The following CNTNAP2 variants were observed in gnomAD, a reference collection of about 807,000 sequenced individuals.
The protein encoded by CNTNAP2 is contactin associated protein 2, also known as contactin-associated protein-like 2.
In CNTNAP2, 98 loss-of-function variants were observed where a neutral mutation model predicts 155.2. The observed-to-expected ratio is 0.63, with a 90% CI of 0.54 to 0.75. The LOEUF is 0.75. Ranked by LOEUF, CNTNAP2 falls within the 30% of genes least tolerant of loss-of-function variation. The pLI is 0.00. For synonymous variants in CNTNAP2, 651 were observed against 631.2 expected (o/e 1.03, Z -0.47); for missense variants, 1,727 against 1,688.1 (o/e 1.02, Z -0.40).
At chr7:146,216,826 T>C (rs184716664) in intron 1 of CNTNAP2, among the ~76,000 whole-genome samples, 23 of 152,254 alleles carry the variant, frequency 1.5e-4, no homozygotes, top group Admixed American at 1.0e-3. Flanking sequence ...TGTACTAGAG[T>C]TGTTTTATAG....
chr7:148,218,975 G>C (rs568820745), intron 19 of CNTNAP2, among the ~76,000 whole-genome samples: 6 of 117,480 alleles, frequency 5.1e-5, no homozygotes, highest in Non-Finnish European at 9.7e-5. Context: ...ATGGAGTCTC[G>C]CTCCATCACC....
intron 18 of CNTNAP2, among the ~76,000 whole-genome samples, chr7:148,184,450 T>C (rs1795087036): frequency 1.3e-5 from 2 of 152,216 alleles, no homozygotes; most frequent in African/African-American, 4.8e-5. Context: ...TACAAATGAC[T>C]TATGATTTAC....
chr7:146,667,921 A>C (rs1800226855), intron 1 of CNTNAP2, among the ~76,000 whole-genome samples: 1 of 152,108 alleles, frequency 6.6e-6, no homozygotes, highest in Non-Finnish European at 1.5e-5. Flanking sequence ...ATCTGCAGAC[A>C]GGAACAATTT....
chr7:146,528,009 T>C (rs1456572558), intron 1 of CNTNAP2, among the ~76,000 whole-genome samples: 1 of 152,120 alleles, frequency 6.6e-6, no homozygotes, highest in Non-Finnish European at 1.5e-5. Flanking sequence ...TGTGAATAAA[T>C]AGAAAGAAAA....
At chr7:147,898,686 AT>A (rs1799811614) in intron 13 of CNTNAP2, among the ~76,000 whole-genome samples, 1 of 151,972 alleles carries the variant, frequency 6.6e-6, no homozygotes, top group South Asian at 2.1e-4. Flanking sequence ...AGCCTGGCTA[AT>A]TTTTGTAGTT....
At chr7:146,359,410 T>G (rs929425589) in intron 1 of CNTNAP2, among the ~76,000 whole-genome samples, 2 of 152,222 alleles carry the variant, frequency 1.3e-5, no homozygotes, top group Non-Finnish European at 2.9e-5. Flanking sequence ...AAAGTCTATC[T>G]AACTCCACTA....
At chr7:146,748,291 G>GCCAGCCA (rs1466904635) in intron 1 of CNTNAP2, among the ~76,000 whole-genome samples, 1 of 151,678 alleles carries the variant, frequency 6.6e-6, no homozygotes, top group East Asian at 1.9e-4. Context: ...GACTACAGGC[G>GCCAGCCA]CCAGCCACCA....
chr7:147,300,075 AT>A (rs1794913924), intron 8 of CNTNAP2, 65 bp from the exon 9 acceptor site: 5 of 1,535,430 alleles, frequency 3.3e-6, no homozygotes, highest in Non-Finnish European at 2.7e-6. Context: ...TGATTTGTTG[AT>A]TTTGGAAATT....
chr7:148,146,391 G>T (rs1170050394), intron 16 of CNTNAP2, among the ~76,000 whole-genome samples: 2 of 152,156 alleles, frequency 1.3e-5, no homozygotes, highest in Admixed American at 6.5e-5. Flanking sequence ...CATTTAAAAA[G>T]CTTGTTTATA....
intron 20 of CNTNAP2, among the ~76,000 whole-genome samples, chr7:148,252,794 C>T (rs1445656043): frequency 6.6e-6 from 1 of 152,074 alleles, no homozygotes; most frequent in African/African-American, 2.4e-5. Context: ...CCACCTGCTT[C>T]CTCACTCATC....
chr7:146,142,286 A>G (rs991800257), intron 1 of CNTNAP2, among the ~76,000 whole-genome samples: 2 of 152,180 alleles, frequency 1.3e-5, no homozygotes, highest in African/African-American at 4.8e-5. Context: ...CACTCCCCTC[A>G]TTCTTTTCCT....
chr7:147,569,854 G>GA (rs1323872206), intron 12 of CNTNAP2, among the ~76,000 whole-genome samples: 1 of 152,238 alleles, frequency 6.6e-6, no homozygotes, highest in Non-Finnish European at 1.5e-5. Context: ...TTGCCAGGCT[G>GA]AGACCAAGGT....
At chr7:146,985,252 T>C (rs1327968307) in intron 3 of CNTNAP2, among the ~76,000 whole-genome samples, 4 of 151,570 alleles carry the variant, frequency 2.6e-5, no homozygotes, top group African/African-American at 9.7e-5. Flanking sequence ...AATGGTGAGA[T>C]GTCTGACACT....
chr7:148,126,420 C>A (rs542119678), intron 16 of CNTNAP2, among the ~76,000 whole-genome samples: 2 of 152,096 alleles, frequency 1.3e-5, no homozygotes, highest in Non-Finnish European at 2.9e-5. Context: ...CAGATCACCA[C>A]GACTGAGGTG....
chr7:146,911,109 T>A (rs1050155421), intron 3 of CNTNAP2, among the ~76,000 whole-genome samples: 1 of 151,970 alleles, frequency 6.6e-6, no homozygotes, highest in African/African-American at 2.4e-5. Flanking sequence ...CTATGAGATA[T>A]CATCTCACAC....
intron 3 of CNTNAP2, among the ~76,000 whole-genome samples, chr7:146,990,935 T>C (rs1798197227): frequency 6.6e-6 from 1 of 152,086 alleles, no homozygotes; most frequent in Non-Finnish European, 1.5e-5. Context: ...CAGAGGATTC[T>C]GGGGGAAATA....
intron 3 of CNTNAP2, among the ~76,000 whole-genome samples, chr7:147,042,134 A>T (rs965088456): frequency 5.3e-5 from 8 of 152,234 alleles, no homozygotes; most frequent in Admixed American, 5.2e-4. Flanking sequence ...AAAATTCAAG[A>T]CATACTGCTC....
At chr7:146,454,325 G>A (rs1018945687) in intron 1 of CNTNAP2, among the ~76,000 whole-genome samples, 15 of 152,116 alleles carry the variant, frequency 9.9e-5, no homozygotes, top group African/African-American at 3.6e-4. Context: ...TAAGAAGGTA[G>A]GTGACATATA....
intron 13 of CNTNAP2, among the ~76,000 whole-genome samples, chr7:147,882,016 TGAA>T (rs1357905892): frequency 6.6e-5 from 10 of 151,748 alleles, no homozygotes; most frequent in Admixed American, 6.6e-4. Context: ...GCAAACTTGA[TGAA>T]GAAATGAGAA....
Sources: allele counts gnomAD v4.1 joint callset (sites outside exome capture counted in the v4.1 genomes callset), GRCh38; gene constraint gnomAD v4.1.1; transcripts MANE v1.5; gene names NCBI Gene and HGNC (gene_info 2026-07-23, HGNC 2026-07-21).